The following ANKRD27 variants were observed in gnomAD, a reference collection of about 807,000 sequenced individuals.
ANKRD27 encodes ankyrin repeat domain 27, also known as ankyrin repeat domain-containing protein 27.
Under a neutral mutation model 129.7 loss-of-function variants are expected in ANKRD27, and 112 were observed. That is an observed-to-expected ratio of 0.86 (90% confidence interval 0.74 to 1.01). The LOEUF (loss-of-function observed/expected upper bound fraction) is 1.01. Among genes scored for constraint, ANKRD27 ranks in the 50% least tolerant of loss-of-function variants. ANKRD27 has a pLI of 0.00. For synonymous variants in ANKRD27, 516 were observed against 511.2 expected, an observed-to-expected ratio of 1.01 and a Z score of -0.13; for missense variants, 1,258 against 1,300.5, an observed-to-expected ratio of 0.97 and a Z score of 0.50.
rs1971622424 is a variant in ANKRD27, at chr19:32,599,738, C to T, written c.2885G>A (p.Ser962Asn). 13 of 1,613,794 alleles carry T rather than the reference C, an allele frequency of 8.1e-6. No homozygotes were observed. Among genetic ancestry groups the T allele is most frequent in the Non-Finnish European group, 1.0e-5 (12 of 1,179,960 alleles). Residue 962 changes from serine to asparagine, a missense_variant, in exon 28 of 29, where the codon AGT becomes AAT. Ser to Asn is a conservative substitution (Grantham distance 46). Transcript: ENST00000306065. ...TSREIMARDR[S>N]VPNLTEGSLH... ...AGAACCTTCGGTTAAATTAGGGACA[C>T]TTCTATCTCTTGCCATAATCTCCCT...
At chr19:32,657,622 CAAA>C (rs764894654) in intron 2 of ANKRD27, among the ~76,000 whole-genome samples, 3 of 128,036 alleles carry the variant, frequency 2.3e-5, no homozygotes, top group African/African-American at 2.9e-5. Context: ...GACTCTGTCT[CAAA>C]AAAAAAAAAA....
At chr19:32,632,206 T>A (rs1415608717) in intron 12 of ANKRD27, among the ~76,000 whole-genome samples, 1 of 152,016 alleles carries the variant, frequency 6.6e-6, no homozygotes, top group Non-Finnish European at 1.5e-5. Context: ...GAAGAATCAC[T>A]TAAACCTGGG....
intron 1 of ANKRD27, among the ~76,000 whole-genome samples, chr19:32,670,611 T>C (rs1200871119): frequency 1.3e-5 from 2 of 151,890 alleles, no homozygotes; most frequent in African/African-American, 2.4e-5. Context: ...GAGGCGGAGG[T>C]TGCAGTGAGC....
chr19:32,623,938 T>G (rs1239726462), intron 17 of ANKRD27, among the ~76,000 whole-genome samples: 1 of 152,158 alleles, frequency 6.6e-6, no homozygotes, highest in Non-Finnish European at 1.5e-5. Flanking sequence ...TCTGTGTCCT[T>G]CTGCTGTAAC....
intron 12 of ANKRD27, among the ~76,000 whole-genome samples, chr19:32,634,599 T>C (rs1049466035): frequency 3.9e-5 from 6 of 152,116 alleles, no homozygotes; most frequent in Non-Finnish European, 7.4e-5. Context: ...CAAACAGACA[T>C]GCCCAAGACA....
chr19:32,643,519 G>C (rs259229), intron 6 of ANKRD27, 35 bp from the exon 7 acceptor site: 1 of 1,613,270 alleles, frequency 6.2e-7, no homozygotes, highest in Non-Finnish European at 8.5e-7. Flanking sequence ...AAAGGGCTTG[G>C]ATTTGCATGG....
intron 2 of ANKRD27, among the ~76,000 whole-genome samples, chr19:32,653,879 C>A (rs1409867342): frequency 1.3e-5 from 2 of 152,082 alleles, no homozygotes; most frequent in Non-Finnish European, 2.9e-5. Flanking sequence ...GTTCACTCTG[C>A]GGGAGACACA....
rs763751965 is a variant in ANKRD27 at position 32,598,144 on chromosome 19, G to T, written c.*1C>A. On this transcript the variant is annotated 3_prime_UTR_variant, in exon 29 of 29. Coordinates refer to ENST00000306065, the MANE Select transcript of ANKRD27 (RefSeq NM_032139.3). ...GTGGGTTCAACAACTCCTCATTCCT[G>T]TTAGGACCGGGAAGCACTAACCTCT... 1.2e-6 allele frequency: 2 copies of T among 1,613,722 alleles called. No homozygotes were observed. Among genetic ancestry groups the T allele is most frequent in the Admixed American group, 3.3e-5 (2 of 59,994 alleles).
chr19:32,640,259 G>C (rs748672239), intron 11 of ANKRD27, 48 bp downstream of exon 11: 1 of 1,530,110 alleles, frequency 6.5e-7, no homozygotes, highest in South Asian at 1.1e-5. Flanking sequence ...CACCGTGCCC[G>C]GCCAAGCACT....
intron 22 of ANKRD27, among the ~76,000 whole-genome samples, chr19:32,613,227 A>G (rs1200660841): frequency 6.6e-6 from 1 of 152,230 alleles, no homozygotes; most frequent in Non-Finnish European, 1.5e-5. Flanking sequence ...ACACTGAGAT[A>G]GTACTACACA....
intron 3 of ANKRD27, among the ~76,000 whole-genome samples, chr19:32,647,092 C>T (rs1398266105): frequency 6.6e-6 from 1 of 152,250 alleles, no homozygotes; most frequent in Non-Finnish European, 1.5e-5. Context: ...TCCTGGAGTG[C>T]TGGGATTACA....
intron 26 of ANKRD27, among the ~76,000 whole-genome samples, chr19:32,601,240 G>A (rs991053256): frequency 5.9e-5 from 9 of 151,530 alleles, no homozygotes; most frequent in African/African-American, 1.2e-4. Flanking sequence ...CAGAGGTTGC[G>A]TGAGCTGAGA....
At chr19:32,627,827 G>C (rs1329557509) in intron 15 of ANKRD27, among the ~76,000 whole-genome samples, 1 of 152,246 alleles carries the variant, frequency 6.6e-6, no homozygotes, top group Admixed American at 6.5e-5. Context: ...CCCAGCCTGC[G>C]GGAGCGTTAG....
intron 1 of ANKRD27, among the ~76,000 whole-genome samples, chr19:32,666,924 G>C (rs950933899): frequency 6.6e-6 from 1 of 152,130 alleles, no homozygotes. Flanking sequence ...TGGGATTACA[G>C]GCGTGAGCCA....
chr19:32,645,397 C>G (rs1967283219), intron 4 of ANKRD27, among the ~76,000 whole-genome samples: 1 of 151,728 alleles, frequency 6.6e-6, no homozygotes, highest in South Asian at 2.1e-4. Context: ...GGCAACAGAG[C>G]AAGACTCCAT....
At chr19:32,607,491 A>T in intron 23 of ANKRD27, 144 bp downstream of exon 23, 1 of 993,952 alleles carries the variant, frequency 1.0e-6, no homozygotes. Flanking sequence ...TGAGTGGCCT[A>T]CCGTGTGCAC....
At chr19:32,648,776 G>T (rs1489343956) in intron 3 of ANKRD27, among the ~76,000 whole-genome samples, 1 of 149,070 alleles carries the variant, frequency 6.7e-6, no homozygotes, top group Non-Finnish European at 1.5e-5. Context: ...CTCCAGCCTG[G>T]TGACAGAGCA....
At chr19:32,655,833 C>T (rs1463668711) in intron 2 of ANKRD27, among the ~76,000 whole-genome samples, 1 of 151,992 alleles carries the variant, frequency 6.6e-6, no homozygotes, top group Non-Finnish European at 1.5e-5. Flanking sequence ...GCCTGCTCAA[C>T]ATAGTGAAAC....
At chr19:32,604,171 G>A in intron 25 of ANKRD27, 92 bp downstream of exon 25, 1 of 1,419,432 alleles carries the variant, frequency 7.0e-7, no homozygotes, top group Non-Finnish European at 9.4e-7. Context: ...AGGGCCAGGT[G>A]TTGCTATTTT....
Sources: gnomAD v4.1 joint callset for allele counts (sites outside exome capture counted in the v4.1 genomes callset) on GRCh38, gnomAD v4.1.1 for gene constraint, MANE v1.5 for transcripts, NCBI Gene and HGNC (gene_info 2026-07-23, HGNC 2026-07-21) for gene names.